The following GLRB variants were observed in gnomAD, a reference collection of about 807,000 sequenced individuals.
The protein encoded by GLRB is glycine receptor beta, also known as glycine receptor subunit beta.
Under a neutral mutation model 54.2 loss-of-function variants are expected in GLRB, and 33 were observed. That is an observed-to-expected ratio of 0.61 (90% CI 0.46 to 0.81). The LOEUF (loss-of-function observed/expected upper bound fraction) is 0.81. GLRB is among the 40% of genes least tolerant of loss of function. The probability of loss-of-function intolerance (pLI) is 0.00; values close to 1 mark genes in which losing one functional copy is unlikely to be tolerated. For missense variants in GLRB, 572 were observed against 584.6 expected (o/e 0.98, Z 0.22); for synonymous variants, 209 against 208.2 (o/e 1.00, Z -0.03).
chr4:157,145,219 T>C (rs1736764535), intron 8 of GLRB, among the ~76,000 whole-genome samples: 1 of 152,202 alleles, frequency 6.6e-6, no homozygotes, highest in Non-Finnish European at 1.5e-5. Context: ...GGACTTCTGA[T>C]ACCAGGTTCC....
chr4:157,080,667 A>G (rs1013718817), intron 2 of GLRB, among the ~76,000 whole-genome samples: 1 of 152,214 alleles, frequency 6.6e-6, no homozygotes, highest in Non-Finnish European at 1.5e-5. Context: ...TAAGTTGCTT[A>G]TTTATTAAAC....
intron 2 of GLRB, among the ~76,000 whole-genome samples, chr4:157,102,051 TA>T (rs769698179): frequency 2.6e-5 from 4 of 152,184 alleles, no homozygotes; most frequent in Non-Finnish European, 4.4e-5. Flanking sequence ...ATTGGTTCAG[TA>T]AAAAGGTGCC....
In GLRB at chr4:157,131,110, AT is replaced by A. The variant is rs556970730; in HGVS notation, c.298-5358del. ...ATCTAATTTTACAGTCATAACCCTAATCAATAGAAAGTAGCAATTGAAAGTT... is the reference window on the plus strand; with the variant it reads ...ATCTAATTTTACAGTCATAACCCTAACAATAGAAAGTAGCAATTGAAAGTT... On this transcript the variant is annotated intron_variant, in intron 4 of 9. Transcript: ENST00000264428. 6.6e-5 allele frequency among the ~76,000 whole-genome samples: 10 copies of A among 151,864 alleles called. No homozygotes were observed. The South Asian group carries it at 2.1e-3, about 31-fold the overall frequency.
intron 2 of GLRB, among the ~76,000 whole-genome samples, chr4:157,083,814 G>A (rs777475299): frequency 1.2e-4 from 19 of 152,040 alleles, no homozygotes; most frequent in Non-Finnish European, 2.5e-4. Context: ...GAAATTTCAT[G>A]AATAATGTTT....
intron 2 of GLRB, 79 bp downstream of exon 2, chr4:157,078,225 C>T: frequency 6.3e-7 from 1 of 1,589,436 alleles, no homozygotes; most frequent in Non-Finnish European, 8.6e-7. Flanking sequence ...TTTATGAAGA[C>T]ACACATCAAC....
At chr4:157,160,893 C>T (rs767854623) in intron 9 of GLRB, among the ~76,000 whole-genome samples, 14 of 152,058 alleles carry the variant, frequency 9.2e-5, no homozygotes, top group South Asian at 4.2e-4. Flanking sequence ...TCTTTGTTAT[C>T]TTTCTGTGTC....
At chr4:157,127,105 C>CT (rs1352208510) in intron 4 of GLRB, among the ~76,000 whole-genome samples, 9 of 151,504 alleles carry the variant, frequency 5.9e-5, no homozygotes, top group Non-Finnish European at 1.0e-4. Flanking sequence ...GATTCTAGTT[C>CT]TTGGTAATTG....
chr4:157,159,711 G>A (rs973787934), intron 9 of GLRB, among the ~76,000 whole-genome samples: 8 of 152,262 alleles, frequency 5.3e-5, no homozygotes, highest in African/African-American at 1.9e-4. Flanking sequence ...TAACCTTTTT[G>A]ATGTGCTGCT....
At chr4:157,091,170 G>C (rs965042486) in intron 2 of GLRB, among the ~76,000 whole-genome samples, 1 of 152,050 alleles carries the variant, frequency 6.6e-6, no homozygotes, top group Non-Finnish European at 1.5e-5. Flanking sequence ...TTCAGGTAAT[G>C]TTTTTGAAAC....
chr4:157,137,359 T>C (rs1736440241), intron 6 of GLRB, among the ~76,000 whole-genome samples: 1 of 152,096 alleles, frequency 6.6e-6, no homozygotes, highest in Non-Finnish European at 1.5e-5. Context: ...TAATTGATCA[T>C]ATATTTTTCA....
intron 9 of GLRB, among the ~76,000 whole-genome samples, chr4:157,162,426 G>T (rs1334983596): frequency 6.6e-6 from 1 of 152,174 alleles, no homozygotes; most frequent in Non-Finnish European, 1.5e-5. Flanking sequence ...CTGATTTTTA[G>T]AATTTTCAGC....
At chr4:157,084,817 C>A in intron 2 of GLRB, 1 of 377,160 alleles carries the variant, frequency 2.7e-6, no homozygotes, top group Non-Finnish European at 5.2e-6. Flanking sequence ...ACTGTTTTGT[C>A]TCCTTTATCT....
chr4:157,089,623 G>A (rs773775508), intron 2 of GLRB, among the ~76,000 whole-genome samples: 4 of 151,900 alleles, frequency 2.6e-5, no homozygotes, highest in Admixed American at 2.6e-4. Context: ...ACCTTCATTG[G>A]CTATTTCTTA....
intron 8 of GLRB, 119 bp from the exon 9 acceptor site, chr4:157,152,599 T>A: frequency 1.2e-6 from 1 of 814,990 alleles, no homozygotes; most frequent in South Asian, 1.3e-5. Context: ...TAAGGGGACC[T>A]GACAAATTGT....
chr4:157,136,801 CA>C lies in GLRB; in HGVS notation c.528-2del. On this transcript the variant is annotated splice_acceptor_variant, in intron 5 of 9. Coordinates refer to ENST00000264428, the MANE Select transcript of GLRB (RefSeq NM_000824.5). LOFTEE classifies it high-confidence loss of function. ...TATTTCTAAGACCCATTTCTGCTTC[CA>C]GGTTATCTATTACTCTTTCATGCCC... is the stretch of plus-strand genomic sequence containing the variant. The C allele has an allele frequency of 1.2e-6, 2 of 1,600,406 alleles. No individual in the cohort carries two copies. Among genetic ancestry groups the C allele is most frequent in the Non-Finnish European group, 1.7e-6 (2 of 1,167,702 alleles).
intron 4 of GLRB, among the ~76,000 whole-genome samples, chr4:157,135,127 T>TA (rs1349236766): frequency 2.0e-5 from 3 of 152,110 alleles, no homozygotes; most frequent in Non-Finnish European, 4.4e-5. Flanking sequence ...TGTATTTTGA[T>TA]ATAAGGGTCA....
At chr4:157,086,926 A>G (rs1365868013) in intron 2 of GLRB, among the ~76,000 whole-genome samples, 4 of 152,128 alleles carry the variant, frequency 2.6e-5, no homozygotes, top group African/African-American at 7.2e-5. Flanking sequence ...CCTTTTGTGC[A>G]TACTTGATGT....
At chr4:157,101,797 GTT>G (rs77992858) in intron 2 of GLRB, among the ~76,000 whole-genome samples, 7 of 37,986 alleles carry the variant, frequency 1.8e-4, no homozygotes, top group Admixed American at 8.8e-4. Flanking sequence ...AGTCAAACTT[GTT>G]TTTTTTTTTT....
At chr4:157,154,288 C>CCAT (rs970973605) in intron 9 of GLRB, among the ~76,000 whole-genome samples, 1 of 152,064 alleles carries the variant, frequency 6.6e-6, no homozygotes, top group Non-Finnish European at 1.5e-5. Flanking sequence ...AACTGCTCTG[C>CCAT]CATTCTCTTA....
Sources: gnomAD v4.1 joint callset for allele counts (sites outside exome capture counted in the v4.1 genomes callset) on GRCh38, gnomAD v4.1.1 for gene constraint, MANE v1.5 for transcripts, NCBI Gene and HGNC (gene_info 2026-07-23, HGNC 2026-07-21) for gene names.